The following IGFL4 variants were observed in gnomAD, a reference collection of about 807,000 sequenced individuals.
The protein encoded by IGFL4 is insulin growth factor-like family member 4.
A neutral mutation model predicts 15.4 loss-of-function variants in IGFL4; 12 were observed. The observed-to-expected ratio is 0.78, with a 90% confidence interval of 0.50 to 1.26. The LOEUF (loss-of-function observed/expected upper bound fraction) is 1.26. IGFL4 is among the 50% of genes most tolerant of loss of function. The pLI is 0.00. For synonymous variants in IGFL4, 54 were observed against 55.9 expected (o/e 0.97, Z 0.16); for missense variants, 126 against 147.8 (o/e 0.85, Z 0.76).
Position 46,040,113 on chromosome 19 carries a change from C to G in IGFL4, c.330+44G>C, listed in dbSNP as rs1409652716. 2 of 1,608,480 alleles carry G rather than the reference C, an allele frequency of 1.2e-6. No individual in the cohort carries two copies. Among genetic ancestry groups the G allele is most frequent in the East Asian group, 2.2e-5 (1 of 44,814 alleles). The stretch of plus-strand genomic sequence containing the variant: ...GGACATGGACAACCAAGCTCCATTC[C>G]CTACTCCCCCCTCCCACAGCCTGGA... On this transcript the variant is annotated intron_variant, in intron 3 of 3. Transcript: ENST00000377697. This position sits in a 1 kb window ranked among gnomAD's most constrained non-coding sequence, Gnocchi z 4.1.
chr19:46,068,721 T>G (rs1969518144), intron 1 of IGFL4, among the ~76,000 whole-genome samples: 1 of 152,186 alleles, frequency 6.6e-6, no homozygotes, highest in Admixed American at 6.5e-5. Flanking sequence ...GGAAAGACTT[T>G]GATCAAAACA....
At chr19:46,076,046 G>A (rs1969592376) in intron 1 of IGFL4, among the ~76,000 whole-genome samples, 3 of 152,190 alleles carry the variant, frequency 2.0e-5, no homozygotes, top group African/African-American at 7.2e-5. Flanking sequence ...CACCTGCAGA[G>A]TCAGTGTTTG....
At chr19:46,059,783 A>G (rs777506706) in intron 2 of IGFL4, 9 of 152,212 alleles carry the variant, frequency 5.9e-5, no homozygotes, top group Non-Finnish European at 1.3e-4. Context: ...ATTGACTTTG[A>G]TGGAACTGTG....
chr19:46,050,456 G>T (rs1483910817), intron 2 of IGFL4, among the ~76,000 whole-genome samples: 1 of 152,036 alleles, frequency 6.6e-6, no homozygotes, highest in Admixed American at 6.5e-5. Flanking sequence ...CAGTGAAATA[G>T]ATATCATAAA....
rs1969235265 is a variant in IGFL4 at position 46,040,849 on chromosome 19, A to C, written c.19+95T>G. On this transcript the variant is annotated intron_variant, in intron 1 of 3. Transcript: ENST00000377697. This position sits in a 1 kb window ranked among gnomAD's most constrained non-coding sequence, Gnocchi z 4.1. ...ATTATGAGGTGGGACACCAATAATTAAATAGGGAAGAGAGAATTAACTTTG... is the reference window on the plus strand; with the variant it reads ...ATTATGAGGTGGGACACCAATAATTCAATAGGGAAGAGAGAATTAACTTTG... 3 of 1,216,406 alleles carry C rather than the reference A, an allele frequency of 2.5e-6. No individual in the cohort carries two copies. The allele number at this position is 1,216,406 out of a possible 1,614,324, so 75.4% of individuals were successfully genotyped here.
At chr19:46,065,561 C>A (rs1477256541) in intron 1 of IGFL4, among the ~76,000 whole-genome samples, 1 of 152,202 alleles carries the variant, frequency 6.6e-6, no homozygotes, top group Non-Finnish European at 1.5e-5. Flanking sequence ...CCTGCCTTGG[C>A]CTCCCAAAGT....
intron 1 of IGFL4, among the ~76,000 whole-genome samples, chr19:46,076,178 G>T (rs1223906414): frequency 3.9e-5 from 6 of 152,172 alleles, no homozygotes; most frequent in African/African-American, 1.4e-4. Context: ...ACTCATGAGG[G>T]AGGAGCCTTC....
At chr19:46,051,493 C>T (rs1568712407) in intron 2 of IGFL4, among the ~76,000 whole-genome samples, 1 of 152,192 alleles carries the variant, frequency 6.6e-6, no homozygotes, top group African/African-American at 2.4e-5. Context: ...TGCAGTGAGC[C>T]GAGATCGTGC....
intron 2 of IGFL4, among the ~76,000 whole-genome samples, chr19:46,051,613 T>C (rs1196843333): frequency 6.6e-6 from 1 of 152,070 alleles, no homozygotes; most frequent in East Asian, 1.9e-4. Context: ...TATTGAGATG[T>C]GAGAATAGTA....
chr19:46,041,278 G>GA (rs1969240690), upstream of IGFL4, among the ~76,000 whole-genome samples: 1 of 152,110 alleles, frequency 6.6e-6, no homozygotes, highest in African/African-American at 2.4e-5. Context: ...CCGCCCAAGG[G>GA]AAAACCACTT....
At chr19:46,061,503 CTGGCAGGGTGGAGCCTT>C (rs2146523307) in intron 1 of IGFL4, among the ~76,000 whole-genome samples, 1 of 152,282 alleles carries the variant, frequency 6.6e-6, no homozygotes, top group African/African-American at 2.4e-5. Context: ...AATTGGATTA[CTGGCAGGGTGGAGCCTT>C]TGGAGGAACA....
chr19:46,042,202 CT>C (rs1256495242), upstream of IGFL4, among the ~76,000 whole-genome samples: 1 of 152,072 alleles, frequency 6.6e-6, no homozygotes, highest in Non-Finnish European at 1.5e-5. Context: ...AATAAACTAG[CT>C]CTCCTCGCCT....
chr19:46,041,948 C>T (rs1382070751), upstream of IGFL4, among the ~76,000 whole-genome samples: 2 of 151,484 alleles, frequency 1.3e-5, no homozygotes, highest in Non-Finnish European at 2.9e-5. Context: ...AAGCCATCCT[C>T]CCACCTCAGC....
intron 1 of IGFL4, chr19:46,062,878 A>G (rs753337451): frequency 4.6e-5 from 7 of 152,120 alleles, no homozygotes; most frequent in Non-Finnish European, 1.0e-4. Flanking sequence ...CCCATGTCCT[A>G]TTGTCCCATG....
chr19:46,076,695 TAAATA>T (rs1430341768), intron 1 of IGFL4, among the ~76,000 whole-genome samples: 1 of 148,432 alleles, frequency 6.7e-6, no homozygotes, highest in Non-Finnish European at 1.5e-5. Context: ...ATAATAAATA[TAAATA>T]CATTATTTAT....
intron 1 of IGFL4, among the ~76,000 whole-genome samples, chr19:46,065,940 G>T (rs1969490733): frequency 6.6e-6 from 1 of 152,234 alleles, no homozygotes; most frequent in Non-Finnish European, 1.5e-5. Context: ...CAGAGGGTAT[G>T]TGGGTTTGAA....
intron 2 of IGFL4, among the ~76,000 whole-genome samples, chr19:46,050,634 T>A (rs1378930493): frequency 1.3e-5 from 2 of 152,216 alleles, no homozygotes; most frequent in Middle Eastern, 3.4e-3. Flanking sequence ...AAAAGAATTT[T>A]AAAAAATGAA....
At chr19:46,072,539 T>C (rs549840714) in intron 1 of IGFL4, among the ~76,000 whole-genome samples, 52 of 152,322 alleles carry the variant, frequency 3.4e-4, no homozygotes, top group Admixed American at 2.9e-3. Flanking sequence ...GCCAATGCCA[T>C]TGAAATATGT....
At chr19:46,070,307 G>A (rs1284590259) in intron 1 of IGFL4, among the ~76,000 whole-genome samples, 1 of 152,068 alleles carries the variant, frequency 6.6e-6, no homozygotes, top group Non-Finnish European at 1.5e-5. Context: ...AACAGACTTC[G>A]GGCTGGAACT....
Sources: gnomAD v4.1 joint callset for allele counts (sites outside exome capture counted in the v4.1 genomes callset) on GRCh38, gnomAD v4.1.1 for gene constraint, Gnocchi (gnomAD v3.1) non-coding constraint, MANE v1.5 for transcripts, NCBI Gene and HGNC (gene_info 2026-07-23, HGNC 2026-07-21) for gene names.